The following STARD13 variants were observed in gnomAD, a reference collection of about 807,000 sequenced individuals.
STARD13 encodes the protein StAR related lipid transfer domain containing 13, also known as stAR-related lipid transfer protein 13.
STARD13 carries 62 observed loss-of-function variants against 106.4 expected under a neutral mutation model. The observed-to-expected ratio is 0.58, with a 90% CI of 0.48 to 0.72. The LOEUF is 0.72. Ranked by LOEUF, STARD13 falls within the 30% of genes least tolerant of loss-of-function variation. The pLI is 0.00. For synonymous variants in STARD13, 565 were observed against 553.0 expected, an observed-to-expected ratio of 1.02 and a Z score of -0.31; for missense variants, 1,387 against 1,424.0, an observed-to-expected ratio of 0.97 and a Z score of 0.42.
At chr13:33,234,905 A>G (rs1889110034) in intron 1 of STARD13, among the ~76,000 whole-genome samples, 1 of 152,234 alleles carries the variant, frequency 6.6e-6, no homozygotes, top group Non-Finnish European at 1.5e-5. Context: ...CTGCTATAGA[A>G]ATAAAAAGTC....
chr13:33,175,892 T>C (rs1464871115), intron 1 of STARD13, among the ~76,000 whole-genome samples: 1 of 152,260 alleles, frequency 6.6e-6, no homozygotes, highest in African/African-American at 2.4e-5. Flanking sequence ...ATCTGCTGTT[T>C]GATTTGCTCA....
chr13:33,260,476 C>T (rs1451747250), intron 1 of STARD13, among the ~76,000 whole-genome samples: 2 of 152,182 alleles, frequency 1.3e-5, no homozygotes, highest in African/African-American at 4.8e-5. Flanking sequence ...GTCATCAAAT[C>T]TGAAGCCCCA....
chr13:33,150,897 T>A (rs1185691907), intron 3 of STARD13, among the ~76,000 whole-genome samples: 1 of 152,224 alleles, frequency 6.6e-6, no homozygotes, highest in Non-Finnish European at 1.5e-5. Context: ...GATTCGTTCA[T>A]CCGACAGTGC....
At chr13:33,329,857 C>A (rs973471298) in intron 1 of STARD13, among the ~76,000 whole-genome samples, 2 of 152,034 alleles carry the variant, frequency 1.3e-5, no homozygotes, top group Non-Finnish European at 2.9e-5. Context: ...GTGCCTGCCA[C>A]CATGCCTGGC....
At chr13:33,163,731 A>AT (rs1883009155) in intron 3 of STARD13, among the ~76,000 whole-genome samples, 1 of 78,506 alleles carries the variant, frequency 1.3e-5, no homozygotes, top group African/African-American at 3.0e-5. Context: ...AACATATATA[A>AT]AACATATATA....
chr13:33,173,567 TGTTAA>T (rs1297011260), intron 1 of STARD13, among the ~76,000 whole-genome samples: 1 of 151,834 alleles, frequency 6.6e-6, no homozygotes, highest in Non-Finnish European at 1.5e-5. Flanking sequence ...TAAAATTATA[TGTTAA>T]GTTATTTTGA....
chr13:33,168,157 A>T (rs9563196), intron 1 of STARD13, among the ~76,000 whole-genome samples: 5,387 of 152,222 alleles, frequency 0.035, 217 homozygotes, highest in African/African-American at 0.095. Flanking sequence ...TTATTGTTTT[A>T]AAAATTTCAC....
chr13:33,262,011 G>T (rs907645052), intron 1 of STARD13, among the ~76,000 whole-genome samples: 1 of 152,162 alleles, frequency 6.6e-6, no homozygotes, highest in Non-Finnish European at 1.5e-5. Flanking sequence ...TCATCTAAAT[G>T]AACAATCTGG....
At chr13:33,161,131 T>C (rs1367436346) in intron 3 of STARD13, among the ~76,000 whole-genome samples, 1 of 152,200 alleles carries the variant, frequency 6.6e-6, no homozygotes, top group Non-Finnish European at 1.5e-5. Context: ...GAATTTTTAT[T>C]ATTTTATAAC....
At chr13:33,443,616 T>C in the STARD13 span, among the ~76,000 whole-genome samples, 5 of 152,114 alleles carry the variant, frequency 3.3e-5, no homozygotes, top group Non-Finnish European at 7.4e-5. Flanking sequence ...CCATGTGTGG[T>C]GGCTCACGCC....
rs144229324 is a variant in STARD13, at chr13:33,226,511, T to G, written c.170-58889A>C. ...GTTCAGTGGCACGATCATGGTTCAC[T>G]GCAACCTCCACCTCCTGAGTTCAAG... On this transcript the variant is annotated intron_variant, in intron 1 of 13. Transcript: ENST00000336934. Among the ~76,000 whole-genome samples, 348 of 151,316 alleles carry G rather than the reference T, an allele frequency of 2.3e-3. 1 individual carries two copies. Among genetic ancestry groups the G allele is most frequent in the African/African-American group, 7.9e-3 (325 of 41,200 alleles).
intron 1 of STARD13, among the ~76,000 whole-genome samples, chr13:33,334,423 T>G (rs1452817144): frequency 2.0e-5 from 3 of 152,190 alleles, no homozygotes; most frequent in African/African-American, 7.2e-5. Context: ...GCACTGAACT[T>G]GGCCAAGCTC....
the STARD13 span, among the ~76,000 whole-genome samples, chr13:33,502,002 C>G: frequency 1.3e-5 from 2 of 152,170 alleles, no homozygotes; most frequent in South Asian, 2.1e-4. Flanking sequence ...GATATTGATT[C>G]TTCCTATCCA....
At chr13:33,505,471 T>A in the STARD13 span, among the ~76,000 whole-genome samples, 3 of 152,212 alleles carry the variant, frequency 2.0e-5, no homozygotes, top group South Asian at 6.2e-4. Context: ...GCCAGAAAAA[T>A]TATATATGGT....
chr13:33,283,918 G>A (rs1404335013), intron 1 of STARD13, among the ~76,000 whole-genome samples: 3 of 152,120 alleles, frequency 2.0e-5, no homozygotes, highest in African/African-American at 7.2e-5. Context: ...GGTCTGCAAA[G>A]CAATTTCAGC....
the STARD13 span, among the ~76,000 whole-genome samples, chr13:33,399,503 G>T: frequency 6.6e-6 from 1 of 151,854 alleles, no homozygotes; most frequent in Non-Finnish European, 1.5e-5. Context: ...GACCATCCTG[G>T]CTAACACAGT....
chr13:33,414,430 G>A, the STARD13 span, among the ~76,000 whole-genome samples: 1 of 152,136 alleles, frequency 6.6e-6, no homozygotes, highest in African/African-American at 2.4e-5. Flanking sequence ...GCAAACTTTG[G>A]TGAGTCCACA....
At chr13:33,209,350 A>G (rs994182634) in intron 1 of STARD13, among the ~76,000 whole-genome samples, 3 of 152,234 alleles carry the variant, frequency 2.0e-5, no homozygotes, top group Non-Finnish European at 2.9e-5. Context: ...AGCATTGGAA[A>G]GGAACAAACA....
the STARD13 span, among the ~76,000 whole-genome samples, chr13:33,423,672 T>G: frequency 1.3e-5 from 2 of 152,180 alleles, no homozygotes; most frequent in African/African-American, 2.4e-5. Flanking sequence ...CTAGTCACAA[T>G]AGCAAAGACT....
Sources: gnomAD v4.1 joint callset for allele counts (sites outside exome capture counted in the v4.1 genomes callset) on GRCh38, gnomAD v4.1.1 for gene constraint, MANE v1.5 for transcripts, NCBI Gene and HGNC (gene_info 2026-07-23, HGNC 2026-07-21) for gene names.